BCAS3: variants seen among roughly 807,000 people sequenced by gnomAD.
BCAS3 encodes BCAS4/BCAS3 fusion.
In BCAS3, 53 loss-of-function variants were observed where a neutral mutation model predicts 116.1. The observed-to-expected ratio is 0.46, with a 90% CI of 0.37 to 0.57. The LOEUF is 0.57. Ranked by LOEUF, BCAS3 falls within the 20% of genes least tolerant of loss-of-function variation. BCAS3 has a pLI of 0.00. For missense variants in BCAS3, 917 were observed against 1,165.4 expected (o/e 0.79, Z 3.10); for synonymous variants, 391 against 408.2 (o/e 0.96, Z 0.51).
Position 61,104,183 on chromosome 17 carries a change from G to A in BCAS3, c.2425+19619G>A, listed in dbSNP as rs190709995. Among the ~76,000 whole-genome samples the A allele has an allele frequency of 3.6e-3, 549 of 152,214 alleles. 4 individuals carry two copies. Among genetic ancestry groups the A allele is most frequent in the African/African-American group, 0.013 (525 of 41,534 alleles). On this transcript the variant is annotated intron_variant, in intron 22 of 23. Transcript: ENST00000407086. This position sits in a 1 kb window ranked among gnomAD's most constrained non-coding sequence, Gnocchi z 4.1. ...TTTTCTGTAAAAATTCCAGGAGTTG[G>A]GTGGGCTTGATGTCCTCTCTCCCAT...
intron 22 of BCAS3, among the ~76,000 whole-genome samples, chr17:61,096,599 C>A (rs369148176): frequency 6.6e-6 from 1 of 152,130 alleles, no homozygotes; most frequent in Non-Finnish European, 1.5e-5. Context: ...TTTCCAAATT[C>A]GTTTATTCAT....
chr17:60,929,041 T>C (rs2059504250), intron 13 of BCAS3, among the ~76,000 whole-genome samples: 1 of 152,200 alleles, frequency 6.6e-6, no homozygotes, highest in Non-Finnish European at 1.5e-5. Context: ...TTTTGTGAGA[T>C]AAAATGATGT....
intron 9 of BCAS3, among the ~76,000 whole-genome samples, chr17:60,885,638 TG>T (rs2056568042): frequency 6.7e-6 from 1 of 148,216 alleles, no homozygotes; most frequent in African/African-American, 2.5e-5. Context: ...AGGGCAGGCC[TG>T]GTGGTGACAA....
chr17:61,193,564 T>C (rs564865928), intron 22 of BCAS3, among the ~76,000 whole-genome samples: 7 of 148,378 alleles, frequency 4.7e-5, no homozygotes, highest in Non-Finnish European at 9.0e-5. Flanking sequence ...TTGAGACCAG[T>C]CTGACCAACA....
At chr17:61,185,097 A>G (rs2079689570) in intron 22 of BCAS3, among the ~76,000 whole-genome samples, 1 of 152,186 alleles carries the variant, frequency 6.6e-6, no homozygotes, top group East Asian at 1.9e-4. Flanking sequence ...AGGGTAAATT[A>G]AAGCCCTTAC....
chr17:61,162,783 C>G lies in BCAS3; in HGVS notation c.2425+78219C>G, dbSNP rs1370224427. Among the ~76,000 whole-genome samples the G allele has an allele frequency of 6.6e-6, 1 of 152,186 alleles. No individual in the cohort carries two copies. Among genetic ancestry groups the G allele is most frequent in the African/African-American group, 2.4e-5 (1 of 41,432 alleles). ...CAGCCGAGGCTGCAACCCGAGGAACCACTCCTGATGGAATATGAGAAAGAA... is the reference window on the plus strand; with the variant it reads ...CAGCCGAGGCTGCAACCCGAGGAACGACTCCTGATGGAATATGAGAAAGAA... On this transcript the variant is annotated intron_variant, in intron 22 of 23. Coordinates refer to ENST00000407086, the MANE Select transcript of BCAS3 (RefSeq NM_017679.5). This position sits in a 1 kb window ranked among gnomAD's most constrained non-coding sequence, Gnocchi z 5.6.
chr17:60,973,538 T>C (rs1467451287), intron 14 of BCAS3, among the ~76,000 whole-genome samples: 1 of 151,130 alleles, frequency 6.6e-6, no homozygotes, highest in Non-Finnish European at 1.5e-5. Flanking sequence ...TTTTCGTCAG[T>C]GCTCTCTGCC....
At chr17:61,086,640 C>G (rs1043551139) in intron 22 of BCAS3, 2 of 976,612 alleles carry the variant, frequency 2.0e-6, no homozygotes, top group African/African-American at 3.5e-5. Context: ...CCTGAAAGTA[C>G]CCATCTTTTG....
At chr17:60,947,179 T>C in intron 13 of BCAS3, 40 bp from the exon 14 acceptor site, 1 of 1,569,310 alleles carries the variant, frequency 6.4e-7, no homozygotes, top group Non-Finnish European at 8.7e-7. Flanking sequence ...TCCACATACA[T>C]AATCATTTTT....
rs1024360807 is a variant in BCAS3 at position 61,189,813 on chromosome 17, C to A, written c.2425+105249C>A. Among the ~76,000 whole-genome samples the A allele has an allele frequency of 3.3e-5, 5 of 152,122 alleles. No individual in the cohort carries two copies. Among genetic ancestry groups the A allele is most frequent in the African/African-American group, 4.8e-5 (2 of 41,420 alleles). ...GAGCTCAATCCTTTTAGGAATTTGA[C>A]CTTGATGCACCTATGAGATGACAAA... On this transcript the variant is annotated intron_variant, in intron 22 of 23. Coordinates refer to ENST00000407086, the MANE Select transcript of BCAS3 (RefSeq NM_017679.5). The surrounding 1 kb of genome is among the most constrained non-coding windows in gnomAD (Gnocchi z 4.5).
chr17:61,288,531 TGTG>T, intron 22 of BCAS3, among the ~76,000 whole-genome samples: 1 of 152,296 alleles, frequency 6.6e-6, no homozygotes, highest in Non-Finnish European at 1.5e-5. Context: ...TGTTGGCAAA[TGTG>T]GTGCTTTGAT....
chr17:61,384,922 G>A (rs774226719), intron 23 of BCAS3, among the ~76,000 whole-genome samples: 4 of 152,166 alleles, frequency 2.6e-5, no homozygotes, highest in Non-Finnish European at 4.4e-5. Context: ...TGGGGAAGAG[G>A]GAAAGCGCAG....
At position 61,124,133 on chromosome 17, in the gene BCAS3, CTT is replaced by C. The variant is rs1384163322; in HGVS notation, c.2425+39571_2425+39572del. ...TAACATTTGGAGGGAAGTCAGATAT[CTT>C]TGATCTCATTTCTTTTACTCATTTT... On this transcript the variant is annotated intron_variant, in intron 22 of 23. Transcript: ENST00000407086. The surrounding 1 kb of genome is among the most constrained non-coding windows in gnomAD (Gnocchi z 4.6). 6.6e-6 allele frequency among the ~76,000 whole-genome samples: 1 copy of C among 151,752 alleles called. No individual in the cohort carries two copies. Among genetic ancestry groups the C allele is most frequent in the Non-Finnish European group, 1.5e-5 (1 of 67,936 alleles).
chr17:61,325,322 A>G lies in BCAS3; in HGVS notation c.2426-43005A>G, dbSNP rs1391901783. 6.6e-6 allele frequency among the ~76,000 whole-genome samples: 1 copy of G among 151,984 alleles called. No individual in the cohort carries two copies. The highest frequency in any genetic ancestry group is 1.5e-5 in the Non-Finnish European group (1 of 67,976). On this transcript the variant is annotated intron_variant, in intron 22 of 23. Transcript: ENST00000407086. This position sits in a 1 kb window ranked among gnomAD's most constrained non-coding sequence, Gnocchi z 6.4. The stretch of plus-strand genomic sequence containing the variant: ...TCATATCTGTGGGGCCTGATTCTCA[A>G]CCTCCATCCTGTCCTGCACATACTC...
Position 61,204,405 on chromosome 17 carries a change from T to C in BCAS3, c.2425+119841T>C, listed in dbSNP as rs957369593. Among the ~76,000 whole-genome samples, 2 of 152,240 alleles carry C rather than the reference T, an allele frequency of 1.3e-5. No homozygotes were observed. Among genetic ancestry groups the C allele is most frequent in the African/African-American group, 4.8e-5 (2 of 41,464 alleles). On this transcript the variant is annotated intron_variant, in intron 22 of 23. Transcript: ENST00000407086. The surrounding 1 kb of genome is among the most constrained non-coding windows in gnomAD (Gnocchi z 4.2). ...TTAGTTCACTATTTTTTGAAAATAA[T>C]ATTCTATGTTTGGATTTGTCTTTTT...
chr17:61,079,528 A>G (rs984327487), intron 21 of BCAS3, among the ~76,000 whole-genome samples: 3 of 151,158 alleles, frequency 2.0e-5, no homozygotes, highest in Admixed American at 6.6e-5. Flanking sequence ...CTGAATTGCA[A>G]CTCTTCATCT....
At chr17:60,800,418 T>C (rs924486392) in intron 6 of BCAS3, among the ~76,000 whole-genome samples, 1 of 152,216 alleles carries the variant, frequency 6.6e-6, no homozygotes, top group Non-Finnish European at 1.5e-5. Flanking sequence ...TCTCTTAATG[T>C]CTTTGCCCAT....
intron 22 of BCAS3, among the ~76,000 whole-genome samples, chr17:61,178,778 C>A (rs538741752): frequency 9.2e-5 from 14 of 152,150 alleles, no homozygotes; most frequent in African/African-American, 3.4e-4. Context: ...ATAAATATTC[C>A]TCAGGAATTA....
chr17:61,274,530 C>T (rs147158535), intron 22 of BCAS3, among the ~76,000 whole-genome samples: 1,747 of 152,160 alleles, frequency 0.011, 38 homozygotes, highest in African/African-American at 0.04. Flanking sequence ...CTCAGGTGAT[C>T]CACCCACTGC....
Sources: gnomAD v4.1 joint callset for allele counts (sites outside exome capture counted in the v4.1 genomes callset) on GRCh38, gnomAD v4.1.1 for gene constraint, Gnocchi (gnomAD v3.1) non-coding constraint, MANE v1.5 for transcripts, NCBI Gene and HGNC (gene_info 2026-07-23, HGNC 2026-07-21) for gene names.